ABCF3: variants seen among roughly 807,000 people sequenced by gnomAD.
ABCF3 encodes the protein ATP-binding cassette sub-family F member 3.
A neutral mutation model predicts 94.3 loss-of-function variants in ABCF3; 62 were observed. That is an observed-to-expected ratio of 0.66 (90% confidence interval 0.54 to 0.81). ABCF3 has a LOEUF of 0.81. ABCF3 is among the 40% of genes least tolerant of loss of function. The pLI, the probability that ABCF3 is intolerant of heterozygous loss-of-function variation, is 0.00. For missense variants in ABCF3, 843 were observed against 925.3 expected (o/e 0.91, Z 1.15); for synonymous variants, 355 against 361.1 (o/e 0.98, Z 0.19).
intron 3 of ABCF3, chr3:184,187,185 G>A (rs577721855): frequency 1.5e-6 from 1 of 677,138 alleles, no homozygotes; most frequent in South Asian, 1.8e-5. Context: ...TCTGTCCCCA[G>A]CCTTGTCTAT....
chr3:184,186,356 G>A (rs989493066), intron 1 of ABCF3, 76 bp downstream of exon 1: 1 of 1,603,594 alleles, frequency 6.2e-7, no homozygotes, highest in Non-Finnish European at 8.5e-7. Context: ...CGTCGTGCCC[G>A]GGACTGTTGC....
chr3:184,191,722 A>G (rs930565719), intron 16 of ABCF3, among the ~76,000 whole-genome samples: 2 of 128,718 alleles, frequency 1.6e-5, no homozygotes, highest in Admixed American at 7.9e-5. Context: ...ACCTTAGTAT[A>G]TGCATTTTTC....
intron 14 of ABCF3, 126 bp from the exon 15 acceptor site, chr3:184,190,873 C>A: frequency 1.7e-6 from 2 of 1,147,404 alleles, no homozygotes; most frequent in Non-Finnish European, 2.5e-6. Flanking sequence ...AGAATGGACT[C>A]TAAAGTAATG....
rs1003647810 is a variant in ABCF3, at chr3:184,194,001, G to A, written c.*303G>A. The A allele has an allele frequency of 4.2e-5, 14 of 331,856 alleles. No individual in the cohort carries two copies. Among genetic ancestry groups the A allele is most frequent in the Non-Finnish European group, 6.1e-5 (11 of 180,142 alleles). The allele number at this position is 331,856 out of a possible 1,614,324, so 20.6% of individuals were successfully genotyped here. A position where few individuals can be genotyped will look rare whatever the true frequency, so the allele number is the denominator to read the frequency against. ...TGCTATGTAAATTAAATCTCTCCCC[G>A]CGTCTCCTTTGCCTCATGTCTGCTG... On this transcript the variant is annotated 3_prime_UTR_variant, in exon 21 of 21. Transcript: ENST00000429586.
In ABCF3 at chr3:184,193,658, C is replaced by T. The variant is rs191518353; in HGVS notation, c.2090C>T (p.Ala697Val). The T allele has an allele frequency of 1.2e-6, 2 of 1,613,988 alleles. No individual in the cohort carries two copies. The highest frequency in any genetic ancestry group is 1.7e-6 in the Non-Finnish European group (2 of 1,179,896). ...RVEGGFDQYR[A>V]LLQEQFRREG... ...GAAGGAGGATTTGACCAGTACCGCG[C>T]CCTCCTCCAGGAACAGTTCCGCCGC... Residue 697 changes from alanine to valine, a missense_variant, in exon 21 of 21, where the codon GCC becomes GTC. Transcript: ENST00000429586. The surrounding 1 kb of genome is among the most constrained non-coding windows in gnomAD (Gnocchi z 5.2).
At chr3:184,191,749 C>CGTTTTTTTTTTTTTT (rs1716039275) in intron 16 of ABCF3, among the ~76,000 whole-genome samples, 1 of 114,716 alleles carries the variant, frequency 8.7e-6, no homozygotes, top group Non-Finnish European at 1.8e-5. Flanking sequence ...GTTAGAGTTC[C>CGTTTTTTTTTTTTTT]TTTTTTTTTT....
At chr3:184,188,669 A>G in intron 7 of ABCF3, 92 bp from the exon 8 acceptor site, 2 of 1,320,180 alleles carry the variant, frequency 1.5e-6, no homozygotes, top group East Asian at 2.4e-5. Flanking sequence ...TCCAGCCACA[A>G]GGTAGCCAAT....
Position 184,188,846 on chromosome 3 carries a change from T to G in ABCF3, c.917+5T>G, listed in dbSNP as rs1357292907. ...GGCTGACAAGGCACCTGCCAGGTAT[T>G]TAAAGCTCCCCCTCCCTCCTTCAGA... On this transcript the variant is annotated splice_donor_5th_base_variant and intron_variant, in intron 8 of 20. Coordinates refer to ENST00000429586, the MANE Select transcript of ABCF3 (RefSeq NM_018358.3). 3.1e-6 allele frequency: 5 copies of G among 1,613,914 alleles called. No homozygotes were observed. The African/African-American group carries it at 5.3e-5, about 17-fold the overall frequency.
At chr3:184,192,524 A>G (rs1004175091) in intron 16 of ABCF3, 77 bp from the exon 17 acceptor site, 4 of 1,337,834 alleles carry the variant, frequency 3.0e-6, no homozygotes, top group East Asian at 2.4e-5. Context: ...AACACTTTTT[A>G]GTGCCCACAT....
At chr3:184,190,956 T>C (rs1715979857) in intron 14 of ABCF3, 43 bp from the exon 15 acceptor site, 4 of 1,607,756 alleles carry the variant, frequency 2.5e-6, no homozygotes, top group Non-Finnish European at 3.4e-6. Context: ...AGGAAGTTAT[T>C]TTTTTAAGTA....
At chr3:184,187,567 C>T in intron 4 of ABCF3, 97 bp from the exon 5 acceptor site, 1 of 1,544,948 alleles carries the variant, frequency 6.5e-7, no homozygotes, top group Non-Finnish European at 8.9e-7. Context: ...GTCTGTTCAT[C>T]ATGGGTAAGT....
intron 17 of ABCF3, 21 bp from the exon 18 acceptor site, chr3:184,192,784 C>T (rs763039359): frequency 2.5e-6 from 4 of 1,613,438 alleles, no homozygotes; most frequent in African/African-American, 2.7e-5. Context: ...TCTGTTTTTC[C>T]ACCTCGGCTT....
chr3:184,186,730 G>A (rs1715645228), intron 2 of ABCF3, 66 bp from the exon 3 acceptor site: 1 of 1,592,818 alleles, frequency 6.3e-7, no homozygotes, highest in Non-Finnish European at 8.6e-7. Context: ...GGGGGAGGAA[G>A]ATCTGATGGC....
At chr3:184,187,595 G>C (rs141465085) in intron 4 of ABCF3, 69 bp from the exon 5 acceptor site, 1 of 1,583,818 alleles carries the variant, frequency 6.3e-7, no homozygotes, top group African/African-American at 1.3e-5. Context: ...GTTTACTCGA[G>C]ATGTTCTCTC....
intron 14 of ABCF3, chr3:184,190,182 A>C: frequency 1.8e-6 from 1 of 558,982 alleles, no homozygotes; most frequent in Non-Finnish European, 3.2e-6. Flanking sequence ...TTTCATATAA[A>C]TGGAATCATA....
intron 3 of ABCF3, chr3:184,187,183 C>A: frequency 1.5e-6 from 1 of 672,788 alleles, no homozygotes; most frequent in South Asian, 1.8e-5. Context: ...TATCTGTCCC[C>A]AGCCTTGTCT....
At chr3:184,189,495 A>G (rs763415144) in intron 12 of ABCF3, 52 bp downstream of exon 12, 341 of 1,613,406 alleles carry the variant, frequency 2.1e-4, no homozygotes, top group Non-Finnish European at 2.8e-4. Flanking sequence ...CCTCCAAGAT[A>G]CCTGGGGGCC....
chr3:184,191,284 G>A (rs1716008359), intron 16 of ABCF3, 29 bp downstream of exon 16: 1 of 1,612,706 alleles, frequency 6.2e-7, no homozygotes, highest in African/African-American at 1.3e-5. Context: ...TGTGCTGCGA[G>A]CTGGGACTCT....
chr3:184,191,281 C>A (rs373397907), intron 16 of ABCF3, 26 bp downstream of exon 16: 60 of 1,612,678 alleles, frequency 3.7e-5, no homozygotes, highest in Non-Finnish European at 5.0e-5. Context: ...CTCTGTGCTG[C>A]GAGCTGGGAC....
Sources: allele counts gnomAD v4.1 joint callset (sites outside exome capture counted in the v4.1 genomes callset), GRCh38; gene constraint gnomAD v4.1.1; non-coding constraint Gnocchi (gnomAD v3.1); transcripts MANE v1.5; gene names NCBI Gene and HGNC (gene_info 2026-07-23, HGNC 2026-07-21).